The following CSMD1 variants were observed in gnomAD, a reference collection of about 807,000 sequenced individuals.
CSMD1 encodes CUB and Sushi multiple domains 1.
Under a neutral mutation model 417.5 loss-of-function variants are expected in CSMD1, and 213 were observed. The ratio of observed to expected loss-of-function variants is 0.51; its 90% CI spans 0.46 to 0.57. The LOEUF is 0.57. Ranked by LOEUF, CSMD1 falls within the 20% of genes least tolerant of loss-of-function variation. The pLI, the probability that CSMD1 is intolerant of heterozygous loss-of-function variation, is 0.00. For synonymous variants in CSMD1, 2,862 were observed against 1,736.8 expected (o/e 1.65, Z -16.11); for missense variants, 6,923 against 4,529.7 (o/e 1.53, Z -15.17).
At position 3,493,625 on chromosome 8, in the gene CSMD1, G is replaced by T; in HGVS notation, c.1446C>A (p.Tyr482Ter). The T allele has an allele frequency of 6.2e-7, 1 of 1,606,452 alleles. No individual in the cohort carries two copies. Among genetic ancestry groups the T allele is most frequent in the Non-Finnish European group, 8.5e-7 (1 of 1,176,232 alleles). Residue 482 changes from tyrosine to a stop codon, truncating the protein, a stop_gained and splice_region_variant, in exon 11 of 70, where the codon TAC (tyrosine) becomes TAA (stop). Coordinates refer to ENST00000635120, the MANE Select transcript of CSMD1 (RefSeq NM_033225.6). LOFTEE classifies it high-confidence loss of function. ...GKVGDTRSVL[Y>*]VLTGSSVPDL... Reference sequence around the variant, plus strand: ...AAGAAGCTCAAGGACATACTCACACGTACAAGACCGATCTGGTGTCTCCCA... The same window carrying T: ...AAGAAGCTCAAGGACATACTCACACTTACAAGACCGATCTGGTGTCTCCCA...
At chr8:4,651,905 T>A (rs1229153937) in intron 1 of CSMD1, among the ~76,000 whole-genome samples, 1 of 152,322 alleles carries the variant, frequency 6.6e-6, no homozygotes, top group Admixed American at 6.5e-5. Flanking sequence ...TTAGATTATC[T>A]TTCATGTGCT....
intron 20 of CSMD1, among the ~76,000 whole-genome samples, chr8:3,364,104 C>T (rs922969698): frequency 1.3e-5 from 2 of 152,064 alleles, no homozygotes; most frequent in Admixed American, 1.3e-4. Flanking sequence ...CACAAAGTCT[C>T]TGGATGGGTA....
At chr8:4,086,171 G>A (rs1335562540) in intron 3 of CSMD1, among the ~76,000 whole-genome samples, 2 of 151,944 alleles carry the variant, frequency 1.3e-5, no homozygotes, top group Non-Finnish European at 2.9e-5. Context: ...GTGCATATAA[G>A]TAATTTACTC....
intron 3 of CSMD1, among the ~76,000 whole-genome samples, chr8:4,224,156 A>C (rs1801207412): frequency 6.6e-6 from 1 of 152,158 alleles, no homozygotes; most frequent in Admixed American, 6.5e-5. Context: ...TTCGCTTACT[A>C]CACATAATCA....
At chr8:4,522,068 A>C (rs1156984611) in intron 2 of CSMD1, among the ~76,000 whole-genome samples, 1 of 152,270 alleles carries the variant, frequency 6.6e-6, no homozygotes, top group Non-Finnish European at 1.5e-5. Flanking sequence ...CCCAAATCTC[A>C]TCTAGAATTG....
At chr8:4,074,813 C>A (rs770701990) in intron 3 of CSMD1, among the ~76,000 whole-genome samples, 5 of 152,038 alleles carry the variant, frequency 3.3e-5, no homozygotes, top group Non-Finnish European at 7.4e-5. Context: ...ATAATCATTT[C>A]CATGATGCCT....
chr8:3,601,980 G>A (rs541132264), intron 8 of CSMD1, among the ~76,000 whole-genome samples: 11 of 152,250 alleles, frequency 7.2e-5, no homozygotes, highest in South Asian at 4.1e-4. Context: ...TGGCTGTCGG[G>A]AGATGTGGGT....
chr8:3,808,619 C>G (rs1301027588), intron 5 of CSMD1, among the ~76,000 whole-genome samples: 1 of 152,172 alleles, frequency 6.6e-6, no homozygotes, highest in African/African-American at 2.4e-5. Flanking sequence ...TTATCAAATA[C>G]TATTGCATCA....
intron 3 of CSMD1, among the ~76,000 whole-genome samples, chr8:4,205,701 C>A (rs981231955): frequency 2.0e-5 from 3 of 151,334 alleles, no homozygotes; most frequent in Non-Finnish European, 2.9e-5. Flanking sequence ...TTTCTTCCTA[C>A]CAAATAATAG....
At chr8:4,127,467 AAAAAAAAAAAAAG>A (rs1460515943) in intron 3 of CSMD1, among the ~76,000 whole-genome samples, 1 of 106,464 alleles carries the variant, frequency 9.4e-6, no homozygotes, top group Non-Finnish European at 2.2e-5. Flanking sequence ...AAAAAAAAAA[AAAAAAAAAAAAAG>A]AAAATCATAA....
chr8:3,669,074 C>G (rs11995411), intron 7 of CSMD1, among the ~76,000 whole-genome samples: 1 of 152,096 alleles, frequency 6.6e-6, no homozygotes, highest in Non-Finnish European at 1.5e-5. Flanking sequence ...AACGACCCCA[C>G]TAGAAATATG....
chr8:4,219,439 A>G (rs1009634495), intron 3 of CSMD1, among the ~76,000 whole-genome samples: 1 of 152,162 alleles, frequency 6.6e-6, no homozygotes, highest in African/African-American at 2.4e-5. Flanking sequence ...CTCTGATCAT[A>G]ATTCATACCC....
At chr8:3,792,980 C>A (rs10093930) in intron 5 of CSMD1, among the ~76,000 whole-genome samples, 87,439 of 151,916 alleles carry the variant, frequency 0.58, 26,754 homozygotes, top group Non-Finnish European at 0.68. Context: ...CGTCTAGAAC[C>A]ATCCACTCTA....
At chr8:4,059,452 C>A (rs1356785207) in intron 3 of CSMD1, among the ~76,000 whole-genome samples, 2 of 152,086 alleles carry the variant, frequency 1.3e-5, no homozygotes, top group Non-Finnish European at 2.9e-5. Flanking sequence ...CAGAGCAGAA[C>A]TGAAGGAAAT....
intron 1 of CSMD1, among the ~76,000 whole-genome samples, chr8:4,683,607 A>T (rs1398786245): frequency 6.6e-6 from 1 of 152,152 alleles, no homozygotes; most frequent in Non-Finnish European, 1.5e-5. Context: ...CTTTCATCAG[A>T]CAGTTGAGGA....
At chr8:3,078,191 A>T (rs1033035897) in intron 49 of CSMD1, among the ~76,000 whole-genome samples, 15 of 152,228 alleles carry the variant, frequency 9.9e-5, no homozygotes, top group African/African-American at 3.4e-4. Flanking sequence ...CATATTTTGT[A>T]CAGTTCCTTG....
intron 3 of CSMD1, among the ~76,000 whole-genome samples, chr8:4,380,782 T>C (rs1803052962): frequency 1.3e-5 from 2 of 149,382 alleles, no homozygotes; most frequent in South Asian, 4.2e-4. Flanking sequence ...ACAAAAAGTA[T>C]ATTTAAAAAA....
chr8:4,441,583 TTA>T (rs1798486106), intron 2 of CSMD1, among the ~76,000 whole-genome samples: 1 of 152,162 alleles, frequency 6.6e-6, no homozygotes, highest in South Asian at 2.1e-4. Flanking sequence ...TGCAAACATT[TTA>T]TGTTCAATAC....
intron 29 of CSMD1, among the ~76,000 whole-genome samples, chr8:3,216,167 T>C (rs896352854): frequency 1.3e-5 from 2 of 151,890 alleles, no homozygotes; most frequent in African/African-American, 2.4e-5. Context: ...AATTGCTTTG[T>C]TGAAAAGCTG....
Sources: gnomAD v4.1 joint callset for allele counts (sites outside exome capture counted in the v4.1 genomes callset) on GRCh38, gnomAD v4.1.1 for gene constraint, MANE v1.5 for transcripts, NCBI Gene and HGNC (gene_info 2026-07-23, HGNC 2026-07-21) for gene names.